SCUBE2: variants seen among roughly 807,000 people sequenced by gnomAD.
The protein encoded by SCUBE2 is signal peptide, CUB and EGF-like domain-containing protein 2.
SCUBE2 carries 114 observed loss-of-function variants against 125.9 expected under a neutral mutation model. The observed-to-expected ratio is 0.91, with a 90% CI of 0.78 to 1.06. The LOEUF (loss-of-function observed/expected upper bound fraction) is 1.06. Ranked by LOEUF, SCUBE2 falls within the 50% of genes least tolerant of loss-of-function variation. SCUBE2 has a pLI of 0.00. For synonymous variants in SCUBE2, 459 were observed against 492.9 expected, an observed-to-expected ratio of 0.93 and a Z score of 0.91; for missense variants, 1,255 against 1,301.8, an observed-to-expected ratio of 0.96 and a Z score of 0.55.
rs974498927 is a variant in SCUBE2, at chr11:9,066,794, G to A, written c.663C>T (p.Asn221=). 1.8e-5 allele frequency: 29 copies of A among 1,613,944 alleles called. No homozygotes were observed. The highest frequency in any genetic ancestry group is 1.7e-4 in the African/African-American group (13 of 74,908). ...RDCILTCNHG[N]GGCQHSCDDT... is the part of the protein sequence containing the mutation. ...CGTCACAGGAGTGCTGGCACCCACC[G>A]TTCCCATGGTTACAGGTCACTGACA... The change falls in exon 6 of 23, where the codon AAC becomes AAT. Residue 221 remains asparagine (N), a synonymous_variant. Coordinates refer to ENST00000649792, the MANE Select transcript of SCUBE2 (RefSeq NM_001367977.2).
chr11:9,059,274 C>A, intron 9 of SCUBE2, 29 bp downstream of exon 9: 3 of 1,610,008 alleles, frequency 1.9e-6, no homozygotes, highest in East Asian at 2.2e-5. Flanking sequence ...TGGGCCATTG[C>A]GCAGCACAGC....
At chr11:9,077,439 C>T (rs545691589) in intron 3 of SCUBE2, among the ~76,000 whole-genome samples, 4 of 152,314 alleles carry the variant, frequency 2.6e-5, no homozygotes, top group African/African-American at 9.6e-5. Flanking sequence ...TGCAGGCATT[C>T]AGGATCTTGA....
chr11:9,074,688 G>A, intron 3 of SCUBE2, 73 bp from the exon 4 acceptor site: 1 of 1,550,732 alleles, frequency 6.4e-7, no homozygotes, highest in South Asian at 1.1e-5. Context: ...CAGCTCAGGG[G>A]CCCTGCTAAG....
intron 19 of SCUBE2, 82 bp from the exon 20 acceptor site, chr11:9,027,643 A>T: frequency 8.2e-7 from 1 of 1,218,740 alleles, no homozygotes; most frequent in Non-Finnish European, 1.2e-6. Flanking sequence ...GCCCCGCAGC[A>T]CCCCTGTTGC....
chr11:9,040,565 G>GCAGGAGAAAGGGAGGA (rs1857136734), intron 16 of SCUBE2, among the ~76,000 whole-genome samples: 4 of 107,096 alleles, frequency 3.7e-5, no homozygotes, highest in Admixed American at 9.4e-5. Flanking sequence ...GCATGGGTAC[G>GCAGGAGAAAGGGAGGA]TAGGAGAAAG....
chr11:9,072,601 T>C (rs573719620), intron 4 of SCUBE2, among the ~76,000 whole-genome samples: 68 of 152,288 alleles, frequency 4.5e-4, no homozygotes, highest in Admixed American at 2.7e-3. Context: ...GCTGTTCTAT[T>C]TGAAGAATCA....
rs1214780522 is a variant in SCUBE2, at chr11:9,053,203, A to C, written c.1343T>G (p.Leu448Arg). The part of the protein sequence containing the change: ...NKKDCVEVKG[L>R]LPTSVSPRVS... ...ACGGGGTGACACACTTGTGGGCAGG[A>C]GCCCCTTCACTTCTAGACAGGACAA... Residue 448 changes from leucine (L) to arginine (R), a missense_variant, in exon 12 of 23, where the codon CTC (leucine) becomes CGC (arginine). Leu to Arg is a moderately radical substitution (Grantham distance 102). Transcript: ENST00000649792. 1 of 1,614,024 alleles carries C rather than the reference A, an allele frequency of 6.2e-7. No homozygotes were observed. Among genetic ancestry groups the C allele is most frequent in the Non-Finnish European group, 8.5e-7 (1 of 1,179,850 alleles).
intron 16 of SCUBE2, among the ~76,000 whole-genome samples, chr11:9,038,477 A>G (rs950391355): frequency 1.3e-5 from 2 of 152,138 alleles, no homozygotes; most frequent in African/African-American, 4.8e-5. Context: ...CGTCTTTCCA[A>G]AATCACCTTA....
chr11:9,023,478 C>T (rs916803535), intron 21 of SCUBE2, among the ~76,000 whole-genome samples: 10 of 152,170 alleles, frequency 6.6e-5, no homozygotes, highest in African/African-American at 2.2e-4. Flanking sequence ...TTAAGAATGT[C>T]GGTTGCTGTG....
chr11:9,050,929 G>A (rs1590065292), intron 13 of SCUBE2, among the ~76,000 whole-genome samples: 1 of 152,176 alleles, frequency 6.6e-6, no homozygotes, highest in Non-Finnish European at 1.5e-5. Flanking sequence ...ACCCCCTCAT[G>A]TGAGAGGCAA....
Position 9,033,681 on chromosome 11 carries a change from T to C in SCUBE2, c.2118A>G (p.Pro706=). The C allele has an allele frequency of 6.2e-7, 1 of 1,614,168 alleles. No homozygotes were observed. Among genetic ancestry groups the C allele is most frequent in the Non-Finnish European group, 8.5e-7 (1 of 1,180,020 alleles). ...GGGTCTTCAGGGCCCCAGAATTTCC[T>C]GGTCTTGGGCATGGTTCACAAGTCA... ...GQMTCEPCPR[P]GNSGALKTPE... The change falls in exon 17 of 23, where the codon CCA becomes CCG. Residue 706 remains proline (P), a synonymous_variant. Coordinates refer to ENST00000649792, the MANE Select transcript of SCUBE2 (RefSeq NM_001367977.2).
chr11:9,054,741 T>A (rs1214244683), intron 10 of SCUBE2, among the ~76,000 whole-genome samples: 1 of 105,522 alleles, frequency 9.5e-6, no homozygotes, highest in Non-Finnish European at 1.9e-5. Context: ...TTTTTTTTTT[T>A]TTTTTTTTTT....
intron 3 of SCUBE2, among the ~76,000 whole-genome samples, chr11:9,078,392 G>C (rs906202777): frequency 1.3e-5 from 2 of 152,168 alleles, no homozygotes; most frequent in Non-Finnish European, 1.5e-5. Context: ...ACACTGAAGT[G>C]GGATAAAGGT....
At chr11:9,066,925 GC>G in intron 5 of SCUBE2, 112 bp from the exon 6 acceptor site, 1 of 804,600 alleles carries the variant, frequency 1.2e-6, no homozygotes, top group Non-Finnish European at 2.1e-6. Flanking sequence ...AGCACCTAGT[GC>G]ATGCCAGGCA....
intron 12 of SCUBE2, 87 bp from the exon 13 acceptor site, chr11:9,052,919 C>A: frequency 8.8e-7 from 1 of 1,130,518 alleles, no homozygotes; most frequent in Non-Finnish European, 1.3e-6. Flanking sequence ...CACCCCACTC[C>A]ACATGGGCCA....
In SCUBE2 at chr11:9,087,078, C is replaced by T. The variant is rs1448461050; in HGVS notation, c.256+2629G>A. 4.0e-5 allele frequency among the ~76,000 whole-genome samples: 6 copies of T among 151,798 alleles called. No individual in the cohort carries two copies. The East Asian group carries it at 1.2e-3, about 29-fold the overall frequency. On this transcript the variant is annotated intron_variant, in intron 2 of 22. Coordinates refer to ENST00000649792, the MANE Select transcript of SCUBE2 (RefSeq NM_001367977.2). ...TTGACTTTTTATAACAATCACATAT[C>T]ATTTTAAAATAAATTTATATATATA...
intron 16 of SCUBE2, among the ~76,000 whole-genome samples, chr11:9,037,294 T>C (rs1181147592): frequency 6.6e-6 from 1 of 152,198 alleles, no homozygotes; most frequent in Non-Finnish European, 1.5e-5. Context: ...TCAGTGACCA[T>C]TAAAATCTCA....
rs73410034 is a variant in SCUBE2 at position 9,030,245 on chromosome 11, G to A, written c.2342-200C>T. 2.3e-3 allele frequency: 1,395 copies of A among 607,496 alleles called. 12 individuals are homozygous for A. The highest frequency in any genetic ancestry group is 0.023 in the African/African-American group (1,238 of 54,036). 37.6% of individuals were successfully genotyped at this position (607,496 alleles called of 1,614,324 possible). Reference sequence around the variant, plus strand: ...GGCTCATGAAATAGAGAAATATAGAGGAACAAGATATGTGTGTATCTCCAA... The same window carrying A: ...GGCTCATGAAATAGAGAAATATAGAAGAACAAGATATGTGTGTATCTCCAA... On this transcript the variant is annotated intron_variant, in intron 18 of 22. Transcript: ENST00000649792.
intron 3 of SCUBE2, among the ~76,000 whole-genome samples, chr11:9,075,917 G>A (rs1403641605): frequency 1.3e-5 from 2 of 152,140 alleles, no homozygotes; most frequent in African/African-American, 4.8e-5. Context: ...CTTCTGGAAG[G>A]GACACATGGA....
Sources: allele counts gnomAD v4.1 joint callset (sites outside exome capture counted in the v4.1 genomes callset), GRCh38; gene constraint gnomAD v4.1.1; transcripts MANE v1.5; gene names NCBI Gene and HGNC (gene_info 2026-07-23, HGNC 2026-07-21).